SRGAP2B: variants seen among roughly 807,000 people sequenced by gnomAD.
The protein encoded by SRGAP2B is SLIT-ROBO Rho GTPase-activating protein 2B.
A neutral mutation model predicts 22.2 loss-of-function variants in SRGAP2B; 9 were observed. The ratio of observed to expected loss-of-function variants is 0.41; its 90% CI spans 0.24 to 0.71. The LOEUF is 0.71. Ranked by LOEUF, SRGAP2B falls within the 30% of genes least tolerant of loss-of-function variation. The pLI, the probability that SRGAP2B is intolerant of heterozygous loss-of-function variation, is 0.35. For missense variants in SRGAP2B, 114 were observed against 235.8 expected, an observed-to-expected ratio of 0.48 and a Z score of 3.38; for synonymous variants, 36 against 87.4, an observed-to-expected ratio of 0.41 and a Z score of 3.28.
chr1:145,039,472 C>A, intron 2 of SRGAP2B, among the ~76,000 whole-genome samples: 1 of 145,430 alleles, frequency 6.9e-6, no homozygotes, highest in Non-Finnish European at 1.5e-5. Context: ...GAGACCCTGT[C>A]TCTTTTAAAA....
intron 2 of SRGAP2B, among the ~76,000 whole-genome samples, chr1:145,081,323 C>T (rs1553634697): frequency 6.7e-6 from 1 of 150,038 alleles, no homozygotes; most frequent in East Asian, 1.9e-4. Context: ...TAAACGCTAA[C>T]CATCATCACC....
intron 3 of SRGAP2B, among the ~76,000 whole-genome samples, chr1:144,984,168 A>G (rs1669521583): frequency 6.7e-6 from 1 of 150,370 alleles, no homozygotes; most frequent in South Asian, 2.1e-4. Flanking sequence ...TAAAAATACA[A>G]AATTAGCCTG....
chr1:144,999,028 C>T (rs1431905099), intron 2 of SRGAP2B, among the ~76,000 whole-genome samples: 5 of 150,658 alleles, frequency 3.3e-5, no homozygotes, highest in Non-Finnish European at 5.9e-5. Flanking sequence ...AATTTAAAAA[C>T]ATAGAGGAAC....
intron 3 of SRGAP2B, among the ~76,000 whole-genome samples, chr1:144,975,861 A>G (rs1668858916): frequency 1.8e-5 from 2 of 111,040 alleles, no homozygotes; most frequent in Non-Finnish European, 3.4e-5. Context: ...GGCATGGGTT[A>G]GTAATTCTTT....
At chr1:144,994,567 T>TGTGTGAGAGAGA (rs72366347) in intron 3 of SRGAP2B, among the ~76,000 whole-genome samples, 8 of 122,430 alleles carry the variant, frequency 6.5e-5, no homozygotes, top group East Asian at 2.4e-4. Flanking sequence ...TGTGTGTGTG[T>TGTGTGAGAGAGA]GAGAGAGAGA....
At chr1:145,021,728 C>T (rs1553624147) in intron 2 of SRGAP2B, among the ~76,000 whole-genome samples, 1 of 149,376 alleles carries the variant, frequency 6.7e-6, no homozygotes, top group African/African-American at 2.5e-5. Context: ...GCAGGAGAAT[C>T]TCTTGAACCC....
At chr1:144,940,887 G>GTATGATCA (rs1665988018) in intron 4 of SRGAP2B, among the ~76,000 whole-genome samples, 1 of 147,632 alleles carries the variant, frequency 6.8e-6, no homozygotes, top group Non-Finnish European at 1.5e-5. Context: ...ACAGACTGCT[G>GTATGATCA]TATGATCATA....
At chr1:144,966,115 C>A (rs146065214) in intron 3 of SRGAP2B, among the ~76,000 whole-genome samples, 10 of 146,820 alleles carry the variant, frequency 6.8e-5, no homozygotes, top group Non-Finnish European at 9.0e-5. Context: ...GGCAGGCCAA[C>A]GTTCAGATTC....
intron 4 of SRGAP2B, among the ~76,000 whole-genome samples, chr1:144,924,894 T>C (rs1664546943): frequency 6.7e-6 from 1 of 149,520 alleles, no homozygotes; most frequent in Non-Finnish European, 1.5e-5. Flanking sequence ...ATTAGGGTGA[T>C]GATTTATCTA....
intron 3 of SRGAP2B, among the ~76,000 whole-genome samples, chr1:144,965,730 T>TTCAAA (rs1668035776): frequency 2.9e-5 from 4 of 138,004 alleles, no homozygotes; most frequent in Non-Finnish European, 6.1e-5. Context: ...GCAAAGAAGT[T>TTCAAA]GAAAACTTTG....
intron 3 of SRGAP2B, among the ~76,000 whole-genome samples, chr1:144,987,855 T>C: frequency 6.6e-6 from 1 of 150,702 alleles, no homozygotes; most frequent in Non-Finnish European, 1.5e-5. Context: ...AAAAGTGCTG[T>C]TACTAATGTT....
chr1:144,924,740 A>G (rs1664535550), intron 4 of SRGAP2B, among the ~76,000 whole-genome samples: 1 of 144,288 alleles, frequency 6.9e-6, no homozygotes, highest in Non-Finnish European at 1.5e-5. Context: ...TCAAAAAAAA[A>G]AAAAAAAAAA....
intron 2 of SRGAP2B, among the ~76,000 whole-genome samples, chr1:145,017,514 T>G (rs1672514090): frequency 6.7e-6 from 1 of 150,022 alleles, no homozygotes; most frequent in South Asian, 2.1e-4. Flanking sequence ...TTCTTTATTA[T>G]TAAATGGCAC....
At chr1:144,889,017 C>T (rs1265901756) in exon 10 of SRGAP2B, 3 of 143,154 alleles carry the variant, frequency 2.1e-5, no homozygotes, top group Non-Finnish European at 3.0e-5. Context: ...TGCAGTGACA[C>T]GATCTTGGCT....
rs1553607023 is a variant in SRGAP2B at position 144,939,635 on chromosome 1, A to G, written c.423+15804T>C. ...CAATAAAATAATATTATTAAACTCAACTGAATGGGTTGGTAGTGGTTATTT... is the reference window on the plus strand; with the variant it reads ...CAATAAAATAATATTATTAAACTCAGCTGAATGGGTTGGTAGTGGTTATTT... On this transcript the variant is annotated intron_variant, in intron 4 of 9. Transcript: ENST00000612199. 1.4e-5 allele frequency among the ~76,000 whole-genome samples: 2 copies of G among 147,620 alleles called. 1 individual carries two copies. The highest frequency in any genetic ancestry group is 3.0e-5 in the Non-Finnish European group (2 of 67,484).
intron 4 of SRGAP2B, among the ~76,000 whole-genome samples, chr1:144,920,311 G>A (rs1374920193): frequency 6.7e-6 from 1 of 150,184 alleles, no homozygotes; most frequent in African/African-American, 2.5e-5. Flanking sequence ...TATTGCCCAG[G>A]CTAGAATGCA....
rs782588401 is a variant in SRGAP2B at position 144,934,403 on chromosome 1, CAAAAAA to C, written c.424-19655_424-19650del. ...GGGCAACAAGAGCAAAACTCCATCT[CAAAAAA>C]AAAAAAAAAAAAAAAAAGAGCAACC... On this transcript the variant is annotated intron_variant, in intron 4 of 9. Transcript: ENST00000612199. Among the ~76,000 whole-genome samples the C allele has an allele frequency of 1.3e-3, 53 of 40,676 alleles. No individual in the cohort carries two copies. In the South Asian group the frequency reaches 0.017, roughly 13 times the overall value. The allele number at this position is 40,676 out of a possible 152,430, so 26.7% of individuals were successfully genotyped here.
chr1:145,067,287 T>TAAA (rs782756643), intron 2 of SRGAP2B, among the ~76,000 whole-genome samples: 3 of 116,804 alleles, frequency 2.6e-5, no homozygotes, highest in African/African-American at 6.7e-5. Context: ...AGACTCTGTC[T>TAAA]AAAAAAAAAA....
intron 4 of SRGAP2B, among the ~76,000 whole-genome samples, chr1:144,917,510 C>T (rs1210126370): frequency 7.4e-6 from 1 of 134,700 alleles, no homozygotes; most frequent in Non-Finnish European, 1.5e-5. Context: ...TGTTGCTTAC[C>T]CATGACTTAA....
Sources: gnomAD v4.1 joint callset for allele counts (sites outside exome capture counted in the v4.1 genomes callset) on GRCh38, gnomAD v4.1.1 for gene constraint, MANE v1.5 for transcripts, NCBI Gene and HGNC (gene_info 2026-07-23, HGNC 2026-07-21) for gene names.